The following HIVEP1 variants were observed in gnomAD, a reference collection of about 807,000 sequenced individuals.
The protein encoded by HIVEP1 is zinc finger protein 40.
Under a neutral mutation model 180.0 loss-of-function variants are expected in HIVEP1, and 36 were observed. The observed-to-expected ratio is 0.20, with a 90% CI of 0.15 to 0.26. HIVEP1 has a LOEUF of 0.26. Ranked by LOEUF, HIVEP1 falls within the 10% of genes least tolerant of loss-of-function variation. The pLI is 1.00. For missense variants in HIVEP1, 3,143 were observed against 3,268.7 expected, an observed-to-expected ratio of 0.96 and a Z score of 0.94; for synonymous variants, 1,239 against 1,239.0, an observed-to-expected ratio of 1.00 and a Z score of 0.00.
rs963905760 is a variant in HIVEP1 at position 12,152,790 on chromosome 6, A to C, written c.6488-8649A>C. Among the ~76,000 whole-genome samples, 2 of 146,466 alleles carry C rather than the reference A, an allele frequency of 1.4e-5. 1 individual carries two copies. The highest frequency in any genetic ancestry group is 3.9e-4 in the East Asian group (2 of 5,066). On this transcript the variant is annotated intron_variant, in intron 7 of 8. Transcript: ENST00000379388. Reference sequence around the variant, plus strand: ...TCTCCAAGCTACAGGCATGTGGCTCATCCAGGAGGGGAGAAGGGAGCAGAG... The same window carrying C: ...TCTCCAAGCTACAGGCATGTGGCTCCTCCAGGAGGGGAGAAGGGAGCAGAG...
chr6:12,108,034 C>CCTA (rs1169778187), intron 3 of HIVEP1, among the ~76,000 whole-genome samples: 1 of 152,144 alleles, frequency 6.6e-6, no homozygotes, highest in Non-Finnish European at 1.5e-5. Context: ...CTGAGCTAGA[C>CCTA]ACAGGGTGCT....
At chr6:12,021,396 C>G (rs540500351) in intron 2 of HIVEP1, among the ~76,000 whole-genome samples, 1 of 152,294 alleles carries the variant, frequency 6.6e-6, no homozygotes, top group East Asian at 1.9e-4. Context: ...TTTTCCATTT[C>G]TACTGTTTTC....
chr6:12,011,463 T>G (rs1428884980), upstream of HIVEP1, among the ~76,000 whole-genome samples: 2 of 148,810 alleles, frequency 1.3e-5, no homozygotes, highest in African/African-American at 2.5e-5. Flanking sequence ...CCGCCAGGCC[T>G]TCCCGGGGCC....
intron 2 of HIVEP1, among the ~76,000 whole-genome samples, chr6:12,074,294 T>C (rs1772187668): frequency 6.6e-6 from 1 of 152,172 alleles, no homozygotes; most frequent in Non-Finnish European, 1.5e-5. Flanking sequence ...CACTCTATGA[T>C]AGTTGTTAAA....
At chr6:12,073,110 A>C (rs1287878866) in intron 2 of HIVEP1, among the ~76,000 whole-genome samples, 1 of 152,226 alleles carries the variant, frequency 6.6e-6, no homozygotes, top group Non-Finnish European at 1.5e-5. Flanking sequence ...TTAAATTACT[A>C]TCAGATTATT....
chr6:12,042,929 A>C (rs1215606231), intron 2 of HIVEP1, among the ~76,000 whole-genome samples: 2 of 152,044 alleles, frequency 1.3e-5, no homozygotes, highest in East Asian at 3.8e-4. Context: ...ATTTGTACTT[A>C]TTTTTGTGTA....
intron 7 of HIVEP1, among the ~76,000 whole-genome samples, chr6:12,140,455 C>T (rs1413885780): frequency 6.6e-6 from 1 of 152,188 alleles, no homozygotes; most frequent in Non-Finnish European, 1.5e-5. Flanking sequence ...ACCAGAGACC[C>T]TCTTCTCTTC....
chr6:12,132,291 A>G (rs935063524), intron 6 of HIVEP1, among the ~76,000 whole-genome samples: 1 of 152,204 alleles, frequency 6.6e-6, no homozygotes, highest in African/African-American at 2.4e-5. Flanking sequence ...ATTAAGAAAC[A>G]TCTATTAGCT....
At chr6:12,180,664 A>C in the HIVEP1 span, among the ~76,000 whole-genome samples, 4 of 152,214 alleles carry the variant, frequency 2.6e-5, no homozygotes, top group African/African-American at 4.8e-5. Flanking sequence ...CCATTGAAAG[A>C]TTGTAAGAGC....
At chr6:12,036,419 G>T (rs933479219) in intron 2 of HIVEP1, among the ~76,000 whole-genome samples, 2 of 152,196 alleles carry the variant, frequency 1.3e-5, no homozygotes, top group African/African-American at 4.8e-5. Flanking sequence ...AAATACTTTT[G>T]TTAGGGTGAC....
Position 12,040,062 on chromosome 6 carries a change from G to C in HIVEP1, c.40+24394G>C, listed in dbSNP as rs60683973. 0.012 allele frequency among the ~76,000 whole-genome samples: 1,776 copies of C among 152,292 alleles called. 63 individuals are homozygous for C. The East Asian group carries it at 0.15, about 13-fold the overall frequency. Reference sequence around the variant, plus strand: ...CAACAACAGATGAAGGTTTTCTATAGATGGGCTCAGCAGTTGTTGGAACTG... The same window carrying C: ...CAACAACAGATGAAGGTTTTCTATACATGGGCTCAGCAGTTGTTGGAACTG... On this transcript the variant is annotated intron_variant, in intron 2 of 8. Transcript: ENST00000379388.
intron 3 of HIVEP1, among the ~76,000 whole-genome samples, chr6:12,097,865 T>C (rs1773867110): frequency 6.6e-6 from 1 of 152,164 alleles, no homozygotes; most frequent in African/African-American, 2.4e-5. Context: ...AAGTTCAGAA[T>C]CCTAAAACAT....
chr6:12,114,771 C>T (rs1172988447), intron 3 of HIVEP1, among the ~76,000 whole-genome samples: 1 of 152,092 alleles, frequency 6.6e-6, no homozygotes, highest in East Asian at 1.9e-4. Flanking sequence ...CCTGAATTTC[C>T]AGCTACAGTT....
the HIVEP1 span, among the ~76,000 whole-genome samples, chr6:12,179,528 G>A: frequency 1.3e-5 from 2 of 152,136 alleles, no homozygotes; most frequent in South Asian, 4.1e-4. Context: ...AAAAATATGA[G>A]CCAGTGGTCA....
intron 3 of HIVEP1, among the ~76,000 whole-genome samples, chr6:12,092,088 T>A (rs957689959): frequency 6.6e-6 from 1 of 152,186 alleles, no homozygotes; most frequent in Non-Finnish European, 1.5e-5. Flanking sequence ...AATGACATGG[T>A]AATCTTTGAT....
chr6:12,091,181 C>T (rs1172815529), intron 3 of HIVEP1, among the ~76,000 whole-genome samples: 2 of 151,912 alleles, frequency 1.3e-5, no homozygotes, highest in Non-Finnish European at 1.5e-5. Flanking sequence ...TTGCTGATAC[C>T]TATTTTATTT....
the HIVEP1 span, among the ~76,000 whole-genome samples, chr6:12,179,083 GA>G: frequency 6.6e-6 from 1 of 152,158 alleles, no homozygotes; most frequent in African/African-American, 2.4e-5. Context: ...AAAAGCACAG[GA>G]AAAGGCATGG....
At chr6:12,204,683 T>A in the HIVEP1 span, among the ~76,000 whole-genome samples, 1 of 152,168 alleles carries the variant, frequency 6.6e-6, no homozygotes, top group Admixed American at 6.5e-5. Flanking sequence ...TCACAACTAT[T>A]TATTGAGTAC....
At chr6:12,192,249 A>ATG in the HIVEP1 span, among the ~76,000 whole-genome samples, 5,655 of 151,624 alleles carry the variant, frequency 0.037, 332 homozygotes, top group African/African-American at 0.12. Context: ...TTTCATAGAA[A>ATG]TGTGTGTGTG....
Sources: gnomAD v4.1 joint callset for allele counts (sites outside exome capture counted in the v4.1 genomes callset) on GRCh38, gnomAD v4.1.1 for gene constraint, MANE v1.5 for transcripts, NCBI Gene and HGNC (gene_info 2026-07-23, HGNC 2026-07-21) for gene names.